The following PTPRA variants were observed in gnomAD, a reference collection of about 807,000 sequenced individuals.
PTPRA encodes the protein protein tyrosine phosphatase receptor type A, also known as receptor-type tyrosine-protein phosphatase alpha.
PTPRA carries 25 observed loss-of-function variants against 104.8 expected under a neutral mutation model. The ratio of observed to expected loss-of-function variants is 0.24; its 90% CI spans 0.17 to 0.33. The LOEUF (loss-of-function observed/expected upper bound fraction) is 0.33. Ranked by LOEUF, PTPRA falls within the 10% of genes least tolerant of loss-of-function variation. The pLI, the probability that PTPRA is intolerant of heterozygous loss-of-function variation, is 1.00. For missense variants in PTPRA, 765 were observed against 1,015.3 expected (o/e 0.75, Z 3.35); for synonymous variants, 323 against 368.9 (o/e 0.88, Z 1.43).
chr20:2,873,076 C>T (rs1303947637), upstream of PTPRA, among the ~76,000 whole-genome samples: 1 of 152,192 alleles, frequency 6.6e-6, no homozygotes, highest in Non-Finnish European at 1.5e-5. The surrounding 1 kb of genome is among the most constrained non-coding windows in gnomAD (Gnocchi z 4.4). Context: ...AAAAAAGACC[C>T]ACAGTATCAC....
At chr20:2,910,920 C>CTTTTTTT (rs11473733) in intron 1 of PTPRA, among the ~76,000 whole-genome samples, 1 of 131,184 alleles carries the variant, frequency 7.6e-6, no homozygotes, top group East Asian at 2.2e-4. Flanking sequence ...TTTATTTTAA[C>CTTTTTTT]TTTTTTTTTT....
At chr20:2,977,215 G>A (rs2062468882) in intron 6 of PTPRA, among the ~76,000 whole-genome samples, 1 of 151,274 alleles carries the variant, frequency 6.6e-6, no homozygotes, top group South Asian at 2.1e-4. Context: ...GGCAGAGGTT[G>A]CAGTGAGCCA....
chr20:2,943,990 T>G (rs1451732372), intron 2 of PTPRA, among the ~76,000 whole-genome samples: 1 of 151,934 alleles, frequency 6.6e-6, no homozygotes, highest in Non-Finnish European at 1.5e-5. Flanking sequence ...GGCTCACAAT[T>G]CTGTGAATAT....
At chr20:3,034,436 C>G (rs2065697012) in intron 20 of PTPRA, among the ~76,000 whole-genome samples, 2 of 152,128 alleles carry the variant, frequency 1.3e-5, no homozygotes, top group Non-Finnish European at 2.9e-5. Context: ...GTCTTCATCC[C>G]AGCTGAGACA....
Position 3,007,355 on chromosome 20 carries a change from A to G in PTPRA, c.841A>G (p.Arg281Gly). 1 of 1,613,730 alleles carries G rather than the reference A, an allele frequency of 6.2e-7. No individual in the cohort carries two copies. The highest frequency in any genetic ancestry group is 8.5e-7 in the Non-Finnish European group (1 of 1,179,608). ...YVNILPYDHS[R>G]VHLTPVEGVP... ...GGTTTGTTTCCTAGATGACCACTCT[A>G]GAGTCCACCTGACACCGGTTGAAGG... The change falls in exon 11 of 24, where the codon AGA becomes GGA. Residue 281 changes from arginine (R) to glycine (G), a missense_variant. Arg to Gly is a moderately radical substitution (Grantham distance 125). Transcript: ENST00000399903.
chr20:2,946,708 C>T (rs1169781842), intron 2 of PTPRA, among the ~76,000 whole-genome samples: 5 of 151,798 alleles, frequency 3.3e-5, no homozygotes, highest in East Asian at 3.9e-4. Context: ...ATTAGCCGGG[C>T]GTGGTGGCGC....
the PTPRA span, chr20:2,865,333 G>A: frequency 6.2e-7 from 1 of 1,614,184 alleles, no homozygotes; most frequent in Non-Finnish European, 8.5e-7. This position sits in a 1 kb window ranked among gnomAD's most constrained non-coding sequence, Gnocchi z 5.2. Context: ...TGAGGGCCCA[G>A]GCTGCATGTG....
intron 1 of PTPRA, among the ~76,000 whole-genome samples, chr20:2,880,099 C>CT (rs1409816913): frequency 6.6e-6 from 1 of 152,194 alleles, no homozygotes; most frequent in Non-Finnish European, 1.5e-5. Context: ...ATTTTGGACT[C>CT]TATCCTGAAG....
intron 2 of PTPRA, among the ~76,000 whole-genome samples, chr20:2,930,854 A>T (rs1272254775): frequency 6.6e-6 from 1 of 152,102 alleles, no homozygotes; most frequent in East Asian, 1.9e-4. Flanking sequence ...TTTTTTGGGG[A>T]GGCATAGTTC....
chr20:2,866,408 T>A, the PTPRA span: 16 of 1,613,980 alleles, frequency 9.9e-6, no homozygotes, highest in East Asian at 3.6e-4. Context: ...CAACACCACC[T>A]CCTCTCTTGC....
chr20:3,008,970 GA>G (rs199837896), intron 11 of PTPRA, among the ~76,000 whole-genome samples: 24 of 150,940 alleles, frequency 1.6e-4, no homozygotes, highest in East Asian at 5.8e-4. Context: ...TTTACCACAA[GA>G]AAAAAAAAGG....
At chr20:2,943,205 A>ACCCCC (rs2060986593) in intron 2 of PTPRA, among the ~76,000 whole-genome samples, 1 of 83,546 alleles carries the variant, frequency 1.2e-5, no homozygotes, top group African/African-American at 6.6e-5. Context: ...CTTGGAACAT[A>ACCCCC]TCCCCCCACC....
At chr20:2,910,390 T>TATAA (rs35289633) in intron 1 of PTPRA, among the ~76,000 whole-genome samples, 1 of 104,906 alleles carries the variant, frequency 9.5e-6, no homozygotes, top group East Asian at 2.8e-4. Flanking sequence ...ATTATATATT[T>TATAA]TATATATAAT....
intron 11 of PTPRA, among the ~76,000 whole-genome samples, chr20:3,012,112 C>G (rs1001741236): frequency 6.6e-6 from 1 of 152,186 alleles, no homozygotes; most frequent in Non-Finnish European, 1.5e-5. Flanking sequence ...GGAGTGGGTA[C>G]TAAGTGAACC....
intron 1 of PTPRA, among the ~76,000 whole-genome samples, chr20:2,875,223 C>T (rs896112308): frequency 2.6e-5 from 4 of 152,122 alleles, no homozygotes; most frequent in Admixed American, 6.5e-5. Flanking sequence ...TTCTGATTCC[C>T]GGCTTCCCCA....
chr20:2,864,714 G>A, the PTPRA span: 788 of 1,550,792 alleles, frequency 5.1e-4, 1 homozygote, highest in Non-Finnish European at 5.3e-4. The surrounding 1 kb of genome is among the most constrained non-coding windows in gnomAD (Gnocchi z 5.2). Context: ...CTGTTGGTCC[G>A]GTTCCTTCAG....
intron 9 of PTPRA, among the ~76,000 whole-genome samples, chr20:2,996,874 A>G (rs1483168530): frequency 6.6e-6 from 1 of 152,198 alleles, no homozygotes; most frequent in Non-Finnish European, 1.5e-5. Context: ...TTGGTATTGC[A>G]TTGGAGGGAT....
chr20:3,021,776 C>A (rs999480862), intron 14 of PTPRA, among the ~76,000 whole-genome samples: 1 of 152,232 alleles, frequency 6.6e-6, no homozygotes, highest in Admixed American at 6.5e-5. Context: ...ATGGGCCTGC[C>A]CCTGGCCCTC....
At chr20:2,982,488 G>T (rs1221662071) in intron 6 of PTPRA, among the ~76,000 whole-genome samples, 3 of 151,950 alleles carry the variant, frequency 2.0e-5, no homozygotes, top group African/African-American at 7.2e-5. Context: ...TTTGTTTTGT[G>T]CCTGTTATGT....
Sources: gnomAD v4.1 joint callset for allele counts (sites outside exome capture counted in the v4.1 genomes callset) on GRCh38, gnomAD v4.1.1 for gene constraint, Gnocchi (gnomAD v3.1) non-coding constraint, MANE v1.5 for transcripts, NCBI Gene and HGNC (gene_info 2026-07-23, HGNC 2026-07-21) for gene names.